CCDC181: variants seen among roughly 807,000 people sequenced by gnomAD.
The protein encoded by CCDC181 is coiled-coil domain-containing protein 181.
In CCDC181, 35 loss-of-function variants were observed where a neutral mutation model predicts 58.7. The ratio of observed to expected loss-of-function variants is 0.60; its 90% CI spans 0.46 to 0.79. The LOEUF is 0.79. CCDC181 is among the 30% of genes least tolerant of loss of function. CCDC181 has a pLI of 0.00. For missense variants in CCDC181, 517 were observed against 583.9 expected, an observed-to-expected ratio of 0.89 and a Z score of 1.18; for synonymous variants, 183 against 197.5, an observed-to-expected ratio of 0.93 and a Z score of 0.62.
Position 169,395,216 on chromosome 1 carries a change from C to G in CCDC181, c.1371-10G>C. 1 of 1,605,754 alleles carries G rather than the reference C, an allele frequency of 6.2e-7. No homozygotes were observed. The highest frequency in any genetic ancestry group is 8.5e-7 in the Non-Finnish European group (1 of 1,176,608). On this transcript the variant is annotated splice_polypyrimidine_tract_variant and intron_variant, in intron 5 of 5. Transcript: ENST00000367806. ...TTTCCTTCTTAACCATCTGTAGAAA[C>G]AGGCATGATCAGATTTGGTGAGTAT...
chr1:169,441,865 C>T (rs901526032), intron 2 of CCDC181, among the ~76,000 whole-genome samples: 1 of 152,032 alleles, frequency 6.6e-6, no homozygotes, highest in Non-Finnish European at 1.5e-5. Flanking sequence ...TGTCTTCCCT[C>T]TCCACTGTTT....
In CCDC181 at chr1:169,424,807, A is replaced by G. The variant is rs762783597; in HGVS notation, c.117+4T>C. 1 of 1,456,036 alleles carries G rather than the reference A, an allele frequency of 6.9e-7. No homozygotes were observed. Among genetic ancestry groups the G allele is most frequent in the Non-Finnish European group, 9.6e-7 (1 of 1,046,844 alleles). The allele number at this position is 1,456,036 out of a possible 1,614,324, so 90.2% of individuals were successfully genotyped here. A position where few individuals can be genotyped will look rare whatever the true frequency, so the allele number is the denominator to read the frequency against. On this transcript the variant is annotated splice_donor_region_variant and intron_variant, in intron 2 of 5. Transcript: ENST00000367806. ...TTATTATGAATGCTGTTGGCAATAT[A>G]TACCTCTATTATGCTGGCATCACTT...
chr1:169,460,040 T>C (rs1188553743), intron 1 of CCDC181, among the ~76,000 whole-genome samples: 1 of 152,120 alleles, frequency 6.6e-6, no homozygotes, highest in African/African-American at 2.4e-5. Context: ...ATTTCAGCAT[T>C]TGGGACAGCA....
intron 4 of CCDC181, among the ~76,000 whole-genome samples, chr1:169,410,704 G>C (rs1266928548): frequency 6.6e-6 from 1 of 152,176 alleles, no homozygotes; most frequent in African/African-American, 2.4e-5. Flanking sequence ...TCAGACCACA[G>C]TGCAATCAAA....
chr1:169,406,371 A>T (rs2102057291), intron 4 of CCDC181, among the ~76,000 whole-genome samples: 1 of 152,356 alleles, frequency 6.6e-6, no homozygotes, highest in South Asian at 2.1e-4. Flanking sequence ...AGCACTATTC[A>T]CAATAGCAAA....
intron 4 of CCDC181, among the ~76,000 whole-genome samples, chr1:169,406,823 T>TA (rs202072743): frequency 0.088 from 12,709 of 144,756 alleles, 726 homozygotes; most frequent in Admixed American, 0.19. Context: ...ACAAAAAAAA[T>TA]AAAAAAAAAT....
intron 4 of CCDC181, among the ~76,000 whole-genome samples, chr1:169,404,167 T>C (rs1303391530): frequency 1.3e-5 from 2 of 152,130 alleles, no homozygotes; most frequent in Non-Finnish European, 2.9e-5. Flanking sequence ...GAGGCAATAA[T>C]TAATAGCCTA....
At chr1:169,443,527 G>C (rs1472967375) in intron 2 of CCDC181, 1 of 152,102 alleles carries the variant, frequency 6.6e-6, no homozygotes, top group African/African-American at 2.4e-5. Flanking sequence ...AAAACCCTCT[G>C]TTTATAAGTG....
intron 4 of CCDC181, among the ~76,000 whole-genome samples, chr1:169,408,256 G>A (rs553100134): frequency 1.2e-4 from 18 of 152,198 alleles, no homozygotes; most frequent in Non-Finnish European, 2.2e-4. Context: ...CCATTACTGA[G>A]GCTTGAGTAG....
At chr1:169,435,632 C>G (rs72704025) in intron 2 of CCDC181, among the ~76,000 whole-genome samples, 5,993 of 152,252 alleles carry the variant, frequency 0.039, 174 homozygotes, top group Non-Finnish European at 0.064. Context: ...AATCCATGTA[C>G]TTAGCCCAGT....
intron 2 of CCDC181, among the ~76,000 whole-genome samples, chr1:169,438,197 A>T (rs1051325547): frequency 1.9e-5 from 2 of 105,324 alleles, no homozygotes; most frequent in East Asian, 4.0e-4. Context: ...AGCCTCACAA[A>T]TCCTTTTTTT....
intron 2 of CCDC181, among the ~76,000 whole-genome samples, chr1:169,436,072 G>A (rs760913382): frequency 1.3e-5 from 2 of 152,132 alleles, no homozygotes; most frequent in African/African-American, 2.4e-5. Context: ...AACTAAGCTT[G>A]AGCCATTTTT....
chr1:169,443,707 A>G (rs1245598983), intron 2 of CCDC181, among the ~76,000 whole-genome samples: 4 of 152,156 alleles, frequency 2.6e-5, no homozygotes, highest in African/African-American at 9.7e-5. Context: ...AAAATTAAGA[A>G]ATAAGGAAGC....
intron 5 of CCDC181, 47 bp from the exon 6 acceptor site, chr1:169,395,253 C>T (rs1389312489): frequency 6.6e-7 from 1 of 1,506,268 alleles, no homozygotes; most frequent in South Asian, 1.3e-5. Flanking sequence ...AACCTGAATA[C>T]ACTCTTCATG....
intron 4 of CCDC181, among the ~76,000 whole-genome samples, chr1:169,399,785 A>C (rs1045805442): frequency 1.3e-5 from 2 of 152,330 alleles, no homozygotes; most frequent in Admixed American, 1.3e-4. Context: ...AACTGAGAGT[A>C]AGAAAAAACA....
chr1:169,404,309 A>G (rs1655526509), intron 4 of CCDC181, among the ~76,000 whole-genome samples: 1 of 151,612 alleles, frequency 6.6e-6, no homozygotes, highest in Admixed American at 6.6e-5. Context: ...CTAACTCGTT[A>G]TAAGGCCAGC....
intron 2 of CCDC181, among the ~76,000 whole-genome samples, chr1:169,452,917 T>G (rs947341197): frequency 6.6e-6 from 1 of 152,112 alleles, no homozygotes; most frequent in African/African-American, 2.4e-5. Flanking sequence ...TATGACCCAT[T>G]CAAGTCTAAA....
chr1:169,441,120 TC>T (rs2101748049), intron 2 of CCDC181, among the ~76,000 whole-genome samples: 2 of 152,222 alleles, frequency 1.3e-5, no homozygotes, highest in East Asian at 3.9e-4. Context: ...AACTGTGAGT[TC>T]TTTAAAAGCA....
chr1:169,451,908 G>C (rs914713759), intron 2 of CCDC181, among the ~76,000 whole-genome samples: 1 of 152,056 alleles, frequency 6.6e-6, no homozygotes, highest in African/African-American at 2.4e-5. Context: ...TGGGTGACCA[G>C]AACTCGATAA....
Sources: allele counts gnomAD v4.1 joint callset (sites outside exome capture counted in the v4.1 genomes callset), GRCh38; gene constraint gnomAD v4.1.1; transcripts MANE v1.5; gene names NCBI Gene and HGNC (gene_info 2026-07-23, HGNC 2026-07-21).